The following RGS6 variants were observed in gnomAD, a reference collection of about 807,000 sequenced individuals.
The protein encoded by RGS6 is regulator of G protein signaling 6, also known as regulator of G-protein signaling 6.
A neutral mutation model predicts 78.5 loss-of-function variants in RGS6; 30 were observed. The observed-to-expected ratio is 0.38, with a 90% CI of 0.29 to 0.52. The LOEUF (loss-of-function observed/expected upper bound fraction) is 0.52, where lower values mean the gene tolerates loss of function less well. Ranked by LOEUF, RGS6 falls within the 20% of genes least tolerant of loss-of-function variation. The probability of loss-of-function intolerance (pLI) is 0.85; values close to 1 mark genes in which losing one functional copy is unlikely to be tolerated. For synonymous variants in RGS6, 206 were observed against 206.0 expected, an observed-to-expected ratio of 1.00 and a Z score of 0.00; for missense variants, 495 against 609.7, an observed-to-expected ratio of 0.81 and a Z score of 1.98.
chr14:72,506,456 C>A (rs1301263921), intron 13 of RGS6, among the ~76,000 whole-genome samples: 1 of 152,144 alleles, frequency 6.6e-6, no homozygotes, highest in Non-Finnish European at 1.5e-5. Flanking sequence ...TATTTTATAA[C>A]CATAAGAGAC....
intron 2 of RGS6, among the ~76,000 whole-genome samples, chr14:72,129,996 C>A (rs564926859): frequency 2.8e-4 from 42 of 152,148 alleles, no homozygotes; most frequent in African/African-American, 9.2e-4. Flanking sequence ...TAGACTGCCC[C>A]CACTTCAGAT....
chr14:72,066,527 T>A (rs2094154450), intron 2 of RGS6, among the ~76,000 whole-genome samples: 2 of 146,790 alleles, frequency 1.4e-5, no homozygotes, highest in Non-Finnish European at 3.0e-5. Context: ...TTGGTGCTTT[T>A]AAGCTAATGT....
intron 3 of RGS6, among the ~76,000 whole-genome samples, chr14:72,450,712 A>C (rs146679437): frequency 6.6e-6 from 1 of 152,192 alleles, no homozygotes; most frequent in African/African-American, 2.4e-5. Flanking sequence ...TTAATCTTAG[A>C]TAGAACAGAA....
rs2082041764 is a variant in RGS6 at position 72,364,119 on chromosome 14, T to C, written c.184+11925T>C. Among the ~76,000 whole-genome samples, 3 of 149,880 alleles carry C rather than the reference T, an allele frequency of 2.0e-5. No individual in the cohort carries two copies. The South Asian group carries it at 6.4e-4, about 32-fold the overall frequency. On this transcript the variant is annotated intron_variant, in intron 3 of 17. Transcript: ENST00000553525. ...TAGTTAGAATACATTTTGCCAACACTCTCACCTACTTAACTACTGCACAGA... is the reference window on the plus strand; with the variant it reads ...TAGTTAGAATACATTTTGCCAACACCCTCACCTACTTAACTACTGCACAGA...
chr14:72,069,626 C>G (rs966011857), intron 2 of RGS6, among the ~76,000 whole-genome samples: 24 of 152,168 alleles, frequency 1.6e-4, no homozygotes, highest in African/African-American at 5.3e-4. Context: ...GCAGCCTCGA[C>G]CTCCCTGGGC....
chr14:72,411,218 C>T (rs943515401), intron 3 of RGS6, among the ~76,000 whole-genome samples: 1 of 152,158 alleles, frequency 6.6e-6, no homozygotes, highest in Non-Finnish European at 1.5e-5. Context: ...AATGTTCTTG[C>T]ATTTGTTTGT....
intron 12 of RGS6, 48 bp from the exon 13 acceptor site, chr14:72,495,104 T>C (rs2096627487): frequency 9.1e-7 from 1 of 1,093,698 alleles, no homozygotes; most frequent in South Asian, 1.2e-5. Context: ...AATAAAGGGG[T>C]TTTCTAAGGA....
intron 2 of RGS6, chr14:71,990,875 TCTC>T (rs2094928418): frequency 2.2e-6 from 1 of 455,808 alleles, no homozygotes; most frequent in African/African-American, 2.0e-5. Flanking sequence ...CCAAAACTGT[TCTC>T]CTTCTGAGCT....
At chr14:72,245,266 C>T (rs1189645742) in intron 2 of RGS6, among the ~76,000 whole-genome samples, 2 of 152,154 alleles carry the variant, frequency 1.3e-5, no homozygotes, top group East Asian at 1.9e-4. Context: ...GTGGGGGAGA[C>T]CCTAACCCAG....
intron 2 of RGS6, among the ~76,000 whole-genome samples, chr14:72,209,163 C>G (rs847290): frequency 0.94 from 143,239 of 152,230 alleles, 67,685 homozygotes; most frequent in South Asian, 1. Flanking sequence ...ATTGCTTGAG[C>G]CTAGAAGGTT....
At chr14:72,358,783 G>T (rs1363918515) in intron 3 of RGS6, among the ~76,000 whole-genome samples, 1 of 152,184 alleles carries the variant, frequency 6.6e-6, no homozygotes, top group Non-Finnish European at 1.5e-5. Flanking sequence ...TTAAGATTTT[G>T]GGGGACTGTT....
At chr14:72,541,358 C>A in intron 17 of RGS6, 1 of 1,367,162 alleles carries the variant, frequency 7.3e-7, no homozygotes, top group Non-Finnish European at 9.8e-7. Context: ...CTTGAATTTG[C>A]TACATGTAAA....
intron 3 of RGS6, among the ~76,000 whole-genome samples, chr14:72,411,115 T>C (rs141212330): frequency 0.057 from 8,663 of 152,264 alleles, 616 homozygotes; most frequent in East Asian, 0.39. Flanking sequence ...AGAAAGTCAT[T>C]GGTAGCTTGA....
At chr14:72,082,731 T>TG (rs752815771) in intron 2 of RGS6, among the ~76,000 whole-genome samples, 1 of 152,120 alleles carries the variant, frequency 6.6e-6, no homozygotes, top group Non-Finnish European at 1.5e-5. Flanking sequence ...TCGCAAATGA[T>TG]GGGAAAAAAA....
At chr14:71,941,059 C>G (rs1386995526) in intron 1 of RGS6, among the ~76,000 whole-genome samples, 1 of 152,164 alleles carries the variant, frequency 6.6e-6, no homozygotes, top group Non-Finnish European at 1.5e-5. Flanking sequence ...ATTTGAGGCT[C>G]AGTATCTGCT....
chr14:72,498,258 A>G (rs530047987), intron 13 of RGS6, among the ~76,000 whole-genome samples: 1 of 151,712 alleles, frequency 6.6e-6, no homozygotes, highest in Non-Finnish European at 1.5e-5. Flanking sequence ...TTTTTTCCAT[A>G]TTTTCATATC....
intron 2 of RGS6, among the ~76,000 whole-genome samples, chr14:72,042,993 T>A (rs1199677775): frequency 6.6e-6 from 1 of 152,144 alleles, no homozygotes; most frequent in East Asian, 1.9e-4. Flanking sequence ...TTTAAAAATT[T>A]TAGCTAACTT....
intron 3 of RGS6, among the ~76,000 whole-genome samples, chr14:72,379,288 A>G (rs772086336): frequency 7.2e-5 from 11 of 152,032 alleles, no homozygotes; most frequent in Non-Finnish European, 1.3e-4. Flanking sequence ...AAGGATGCCC[A>G]CTCTTACCAT....
the RGS6 span, among the ~76,000 whole-genome samples, chr14:71,886,509 CT>C: frequency 1.5e-4 from 23 of 152,270 alleles, no homozygotes; most frequent in African/African-American, 5.3e-4. Flanking sequence ...TAGTAGTCTT[CT>C]GTCTAAGGTG....
Sources: allele counts gnomAD v4.1 joint callset (sites outside exome capture counted in the v4.1 genomes callset), GRCh38; gene constraint gnomAD v4.1.1; transcripts MANE v1.5; gene names NCBI Gene and HGNC (gene_info 2026-07-23, HGNC 2026-07-21).